The following PTPRS variants were observed in gnomAD, a reference collection of about 807,000 sequenced individuals.
PTPRS encodes protein tyrosine phosphatase receptor type S.
PTPRS carries 63 observed loss-of-function variants against 215.3 expected under a neutral mutation model. That is an observed-to-expected ratio of 0.29 (90% CI 0.24 to 0.36). The LOEUF (loss-of-function observed/expected upper bound fraction) is 0.36. Ranked by LOEUF, PTPRS falls within the 10% of genes least tolerant of loss-of-function variation. PTPRS has a pLI of 1.00. For synonymous variants in PTPRS, 1,404 were observed against 1,191.4 expected, an observed-to-expected ratio of 1.18 and a Z score of -3.68; for missense variants, 2,258 against 2,825.8, an observed-to-expected ratio of 0.80 and a Z score of 4.56.
At position 5,340,767 on chromosome 19, in the gene PTPRS, C is replaced by A. The variant is rs1002479333; in HGVS notation, c.-198G>T. 6.7e-6 allele frequency: 1 copy of A among 149,558 alleles called. No homozygotes were observed. The highest frequency in any genetic ancestry group is 2.4e-5 in the African/African-American group (1 of 41,056). The allele number at this position is 149,558 out of a possible 1,614,324, so 9.3% of individuals were successfully genotyped here. ...CCGAGCGCCAGCGGCTCGCGGCGTG[C>A]GCGCGCCGGCCGGGCTGCCGGGCGG... On this transcript the variant is annotated 5_prime_UTR_variant, in exon 1 of 38. Transcript: ENST00000262963.
chr19:5,212,404 G>A lies in PTPRS; in HGVS notation c.4702C>T (p.Leu1568=). ...GTCTTGACTCTCCGCAGGAAAGCCA[G>A]GAAGGGCGTTGGGTATTCGGGCACG... The part of the protein sequence containing the change: ...HGVPEYPTPF[L]AFLRRVKTCN... The change falls in exon 31 of 38, where the codon CTG becomes TTG. Residue 1568 remains leucine, a synonymous_variant. Transcript: ENST00000262963. 6.2e-7 allele frequency: 1 copy of A among 1,606,700 alleles called. No individual in the cohort carries two copies. Among genetic ancestry groups the A allele is most frequent in the Non-Finnish European group, 8.5e-7 (1 of 1,176,520 alleles).
Position 5,282,875 on chromosome 19 carries a change from C to T in PTPRS, c.91+3175G>A, listed in dbSNP as rs540939838. Among the ~76,000 whole-genome samples, 11 of 152,072 alleles carry T rather than the reference C, an allele frequency of 7.2e-5. No homozygotes were observed. The South Asian group carries it at 1.9e-3, about 26-fold the overall frequency. On this transcript the variant is annotated intron_variant, in intron 2 of 37. Coordinates refer to ENST00000262963, the MANE Select transcript of PTPRS (RefSeq NM_002850.4). Reference sequence around the variant, plus strand: ...GCAGAGACAGGATTCCAACCCAGGCCTACCTGGCTCCAGTGCCTTGAAAAT... The same window carrying T: ...GCAGAGACAGGATTCCAACCCAGGCTTACCTGGCTCCAGTGCCTTGAAAAT...
rs970329088 is a variant in PTPRS at position 5,274,188 on chromosome 19, C to A, written c.237+11G>T. On this transcript the variant is annotated intron_variant, in intron 3 of 37. Coordinates refer to ENST00000262963, the MANE Select transcript of PTPRS (RefSeq NM_002850.4). Reference sequence around the variant, plus strand: ...ATTGACCCCAGGCTGCCTCCCCCTACCCCAACTCACCTCAAAGCGCTGAGA... The same window carrying A: ...ATTGACCCCAGGCTGCCTCCCCCTAACCCAACTCACCTCAAAGCGCTGAGA... 6.2e-7 allele frequency: 1 copy of A among 1,606,496 alleles called. No individual in the cohort carries two copies. Among genetic ancestry groups the A allele is most frequent in the Non-Finnish European group, 8.5e-7 (1 of 1,174,054 alleles).
In PTPRS at chr19:5,223,194, G is replaced by A; in HGVS notation, c.2598C>T (p.Tyr866=). 1 of 1,549,018 alleles carries A rather than the reference G, an allele frequency of 6.5e-7. No individual in the cohort carries two copies. Among genetic ancestry groups the A allele is most frequent in the Non-Finnish European group, 8.7e-7 (1 of 1,147,612 alleles). The change falls in exon 18 of 38, where the codon TAC becomes TAT. Residue 866 remains tyrosine (Y), a synonymous_variant. Coordinates refer to ENST00000262963, the MANE Select transcript of PTPRS (RefSeq NM_002850.4). ...AGTAEDQVLG[Y]RLQFGREDST... Reference sequence around the variant, plus strand: ...AGTCCTCACGGCCAAACTGCAGGCGGTAGCCCAGCACCTGGTCCTCCGCGG... The same window carrying A: ...AGTCCTCACGGCCAAACTGCAGGCGATAGCCCAGCACCTGGTCCTCCGCGG...
At chr19:5,223,389 A>C in intron 17 of PTPRS, 92 bp from the exon 18 acceptor site, 1 of 1,331,802 alleles carries the variant, frequency 7.5e-7, no homozygotes, top group Non-Finnish European at 9.6e-7. Context: ...CTTTTCCTTC[A>C]ATATAACATT....
rs1477434898 is a variant in PTPRS, at chr19:5,229,602, G to A, written c.2238C>T (p.Pro746=). 11 of 1,424,720 alleles carry A rather than the reference G, an allele frequency of 7.7e-6. No homozygotes were observed. Among genetic ancestry groups the A allele is most frequent in the South Asian group, 5.7e-5 (4 of 69,812 alleles). 88.3% of individuals were successfully genotyped at this position (1,424,720 alleles called of 1,614,324 possible). A position where few individuals can be genotyped will look rare whatever the true frequency, so the allele number is the denominator to read the frequency against. ...AIRVLWRSPA[P]GRQHGQIRGY... ...CGCGGATCTGGCCGTGCTGCCGGCC[G>A]GGCGCGGGCGAGCGCCACAGCACGC... Residue 746 remains proline, a synonymous_variant, in exon 15 of 38, where the codon CCC becomes CCT. Coordinates refer to ENST00000262963, the MANE Select transcript of PTPRS (RefSeq NM_002850.4).
intron 25 of PTPRS, 51 bp from the exon 26 acceptor site, chr19:5,216,818 G>T: frequency 3.9e-6 from 5 of 1,282,050 alleles, no homozygotes; most frequent in South Asian, 1.3e-5. Flanking sequence ...GGTAGGGGGG[G>T]GTCCCACCTC....
chr19:5,296,479 C>G (rs563277054), intron 1 of PTPRS, among the ~76,000 whole-genome samples: 3 of 151,794 alleles, frequency 2.0e-5, no homozygotes, highest in Non-Finnish European at 4.4e-5. Flanking sequence ...CCAGCCTGGG[C>G]GACAGAGCGA....
chr19:5,269,223 G>A (rs2046694753), intron 4 of PTPRS, among the ~76,000 whole-genome samples: 1 of 152,160 alleles, frequency 6.6e-6, no homozygotes, highest in Non-Finnish European at 1.5e-5. Context: ...ATTCCCGTGT[G>A]TATGTGGCCC....
chr19:5,324,769 C>T (rs1036235468), intron 1 of PTPRS, among the ~76,000 whole-genome samples: 1 of 152,200 alleles, frequency 6.6e-6, no homozygotes, highest in Non-Finnish European at 1.5e-5. Flanking sequence ...GCAGATTCAA[C>T]AGGACCACGA....
intron 7 of PTPRS, 33 bp downstream of exon 7, chr19:5,260,772 C>CGT (rs769776845): frequency 4.3e-6 from 7 of 1,612,820 alleles, no homozygotes; most frequent in Non-Finnish European, 5.9e-6. Flanking sequence ...CAAGAGCGAG[C>CGT]GTGAGTGGGT....
intron 15 of PTPRS, 58 bp downstream of exon 15, chr19:5,229,433 G>C: frequency 7.3e-7 from 1 of 1,362,790 alleles, no homozygotes; most frequent in Non-Finnish European, 9.5e-7. Context: ...TGGGGGGAGC[G>C]CAAGGGCCCG....
rs1320055035 is a variant in PTPRS, at chr19:5,287,300, CAGATATGACTAAGGTTAT to C, written c.-94-1084_-94-1067del. 1.3e-5 allele frequency among the ~76,000 whole-genome samples: 2 copies of C among 152,216 alleles called. No homozygotes were observed. The highest frequency in any genetic ancestry group is 2.4e-5 in the African/African-American group (1 of 41,456). ...CCCTACATTCTACATCCCGGAGCATCAGATATGACTAAGGTTATCCTCCGTGGTATTCACCCTGGTTCC... is the reference window on the plus strand; with the variant it reads ...CCCTACATTCTACATCCCGGAGCATCCCTCCGTGGTATTCACCCTGGTTCC... On this transcript the variant is annotated intron_variant, in intron 1 of 37. Transcript: ENST00000262963. The surrounding 1 kb of genome is among the most constrained non-coding windows in gnomAD (Gnocchi z 4.8).
chr19:5,229,201 G>A, intron 16 of PTPRS, 115 bp downstream of exon 16: 16 of 1,160,132 alleles, frequency 1.4e-5, no homozygotes, highest in Non-Finnish European at 1.8e-5. Context: ...GCATGGGAGG[G>A]CCCAGAGGAG....
At position 5,220,985 on chromosome 19, in the gene PTPRS, T is replaced by C. The variant is rs770466785; in HGVS notation, c.3455+15A>G. On this transcript the variant is annotated intron_variant, in intron 20 of 37. Transcript: ENST00000262963. Reference sequence around the variant, plus strand: ...TGGGGGTGACAAGGAACCCGGAGCATGGGGGTGAGCATACTGGACAGGCAC... The same window carrying C: ...TGGGGGTGACAAGGAACCCGGAGCACGGGGGTGAGCATACTGGACAGGCAC... The C allele has an allele frequency of 1.9e-6, 3 of 1,592,452 alleles. No homozygotes were observed. Among genetic ancestry groups the C allele is most frequent in the Admixed American group, 1.7e-5 (1 of 58,894 alleles).
Position 5,294,764 on chromosome 19 carries a change from G to A in PTPRS, c.-94-8530C>T, listed in dbSNP as rs1221164719. 1 of 152,208 alleles carries A rather than the reference G, an allele frequency of 6.6e-6. No homozygotes were observed. The highest frequency in any genetic ancestry group is 1.5e-5 in the Non-Finnish European group (1 of 68,058). 9.4% of individuals were successfully genotyped at this position (152,208 alleles called of 1,614,324 possible). ...CGCCCCGCCCCATCTCCAACAATAGGTGGCCTAGTCCACAAAGCACCATGC... is the reference window on the plus strand; with the variant it reads ...CGCCCCGCCCCATCTCCAACAATAGATGGCCTAGTCCACAAAGCACCATGC... On this transcript the variant is annotated intron_variant, in intron 1 of 37. Transcript: ENST00000262963. The surrounding 1 kb of genome is among the most constrained non-coding windows in gnomAD (Gnocchi z 5.1).
chr19:5,289,547 C>A (rs2048638962), intron 1 of PTPRS, among the ~76,000 whole-genome samples: 1 of 152,196 alleles, frequency 6.6e-6, no homozygotes. Flanking sequence ...CCAGGTCCTG[C>A]ACGACCTGCC....
At chr19:5,225,143 G>A (rs2042366651) in intron 17 of PTPRS, among the ~76,000 whole-genome samples, 1 of 152,162 alleles carries the variant, frequency 6.6e-6, no homozygotes, top group Admixed American at 6.5e-5. Flanking sequence ...TGGGGACGAT[G>A]GAAGGGACAA....
At chr19:5,222,351 C>A (rs1346976962) in intron 18 of PTPRS, 131 bp from the exon 19 acceptor site, 1 of 780,606 alleles carries the variant, frequency 1.3e-6, no homozygotes, top group African/African-American at 1.7e-5. Flanking sequence ...CCCATGCCCA[C>A]GGCCTTCCTG....
Sources: allele counts gnomAD v4.1 joint callset (sites outside exome capture counted in the v4.1 genomes callset), GRCh38; gene constraint gnomAD v4.1.1; non-coding constraint Gnocchi (gnomAD v3.1); transcripts MANE v1.5; gene names NCBI Gene and HGNC (gene_info 2026-07-23, HGNC 2026-07-21).